Variants in CAMTA1 observed in about 807,000 individuals in gnomAD.
The protein encoded by CAMTA1 is calmodulin binding transcription activator 1, also known as calmodulin-binding transcription activator 1.
In CAMTA1, 27 loss-of-function variants were observed where a neutral mutation model predicts 170.9. That is an observed-to-expected ratio of 0.16 (90% CI 0.12 to 0.22). The LOEUF (loss-of-function observed/expected upper bound fraction) is 0.22, where lower values mean the gene tolerates loss of function less well. CAMTA1 is among the 10% of genes least tolerant of loss of function. The pLI is 1.00. For synonymous variants in CAMTA1, 833 were observed against 891.5 expected, an observed-to-expected ratio of 0.93 and a Z score of 1.17; for missense variants, 1,619 against 2,217.2, an observed-to-expected ratio of 0.73 and a Z score of 5.42.
chr1:7,654,826 C>T (rs940318195), intron 7 of CAMTA1, among the ~76,000 whole-genome samples: 8 of 141,280 alleles, frequency 5.7e-5, no homozygotes, highest in Admixed American at 3.7e-4. Flanking sequence ...CCACACACAC[C>T]CCTATACACA....
At chr1:7,671,531 G>A (rs4908472) in intron 10 of CAMTA1, among the ~76,000 whole-genome samples, 7,044 of 152,310 alleles carry the variant, frequency 0.046, 543 homozygotes, top group East Asian at 0.25. Flanking sequence ...GCCCTGGGCA[G>A]GGGGCAGAAG....
At chr1:7,765,449 AT>A (rs1329525363) in intron 22 of CAMTA1, among the ~76,000 whole-genome samples, 1 of 152,196 alleles carries the variant, frequency 6.6e-6, no homozygotes, top group Non-Finnish European at 1.5e-5. Context: ...GTCTATAACA[AT>A]GTTATTTAAA....
rs113479369 is a variant in CAMTA1, at chr1:7,470,199, TA to T, written c.510+2299del. 5.9e-5 allele frequency among the ~76,000 whole-genome samples: 9 copies of T among 152,212 alleles called. No individual in the cohort carries two copies. In the South Asian group the frequency reaches 1.9e-3, roughly 32 times the overall value. On this transcript the variant is annotated intron_variant, in intron 6 of 22. Coordinates refer to ENST00000303635, the MANE Select transcript of CAMTA1 (RefSeq NM_015215.4). ...CACAAAGAGGGAGCGCACACAGGTG[TA>T]GGGGGTTCCTGCTCCCCCAGGTCTG... is the stretch of plus-strand genomic sequence containing the variant.
chr1:7,547,418 C>T lies in CAMTA1; in HGVS notation c.510+79517C>T, dbSNP rs541785104. 3.9e-4 allele frequency among the ~76,000 whole-genome samples: 59 copies of T among 151,736 alleles called. No individual in the cohort carries two copies. The highest frequency in any genetic ancestry group is 5.8e-4 in the African/African-American group (24 of 41,296). On this transcript the variant is annotated intron_variant, in intron 6 of 22. Transcript: ENST00000303635. This position sits in a 1 kb window ranked among gnomAD's most constrained non-coding sequence, Gnocchi z 5.7. ...GTTGGCCTTCCACATTCATGAGTTT[C>T]GCATCCGTGGATTCAACCAACAACG...
At chr1:7,155,904 T>C (rs1646850459) in intron 4 of CAMTA1, among the ~76,000 whole-genome samples, 1 of 152,206 alleles carries the variant, frequency 6.6e-6, no homozygotes, top group Non-Finnish European at 1.5e-5. Flanking sequence ...ATTCATTCAG[T>C]TCCACATTTA....
intron 3 of CAMTA1, among the ~76,000 whole-genome samples, chr1:6,932,350 T>C (rs1193092435): frequency 6.6e-6 from 1 of 152,262 alleles, no homozygotes; most frequent in African/African-American, 2.4e-5. Context: ...TGTGTATCAG[T>C]AATTCATTTC....
At chr1:7,602,109 T>TTCCTTCCC (rs1390475090) in intron 6 of CAMTA1, among the ~76,000 whole-genome samples, 2 of 131,744 alleles carry the variant, frequency 1.5e-5, no homozygotes, top group African/African-American at 6.7e-5. Context: ...CCTTCCTTCC[T>TTCCTTCCC]TCCTTCCTTC....
At chr1:7,354,342 G>A (rs2084934219) in intron 5 of CAMTA1, among the ~76,000 whole-genome samples, 1 of 151,418 alleles carries the variant, frequency 6.6e-6, no homozygotes, top group African/African-American at 2.4e-5. Context: ...GTAGAGATGG[G>A]GTTTCACCGT....
At chr1:7,235,433 T>C (rs1663639498) in intron 4 of CAMTA1, among the ~76,000 whole-genome samples, 1 of 152,132 alleles carries the variant, frequency 6.6e-6, no homozygotes, top group Non-Finnish European at 1.5e-5. Flanking sequence ...GAAACCAGCC[T>C]GGCCAACATG....
intron 4 of CAMTA1, among the ~76,000 whole-genome samples, chr1:7,110,628 A>G (rs1361351349): frequency 6.6e-6 from 1 of 152,226 alleles, no homozygotes; most frequent in Non-Finnish European, 1.5e-5. Context: ...GCTGCTGCTC[A>G]CTTAGAGGCA....
chr1:7,237,272 G>A (rs982420401), intron 4 of CAMTA1, among the ~76,000 whole-genome samples: 1 of 152,122 alleles, frequency 6.6e-6, no homozygotes, highest in African/African-American at 2.4e-5. Context: ...AGCAATAGCC[G>A]GTCAACCTGA....
At chr1:6,864,274 C>G (rs1665807140) in intron 3 of CAMTA1, among the ~76,000 whole-genome samples, 1 of 152,174 alleles carries the variant, frequency 6.6e-6, no homozygotes, top group Non-Finnish European at 1.5e-5. Context: ...CTGTCCAAGT[C>G]ACTCTTTGCA....
intron 6 of CAMTA1, among the ~76,000 whole-genome samples, chr1:7,607,118 A>AGGAT (rs749176148): frequency 0.075 from 11,194 of 149,636 alleles, 969 homozygotes; most frequent in African/African-American, 0.22. Context: ...GGTAGATGGA[A>AGGAT]GGATGGATGG....
chr1:7,449,441 C>T (rs2092759905), intron 5 of CAMTA1, among the ~76,000 whole-genome samples: 1 of 152,090 alleles, frequency 6.6e-6, no homozygotes, highest in Non-Finnish European at 1.5e-5. Flanking sequence ...CCTCTGACCT[C>T]GTCTTTTCCA....
intron 3 of CAMTA1, among the ~76,000 whole-genome samples, chr1:7,056,685 G>C (rs1044024170): frequency 6.6e-6 from 1 of 152,110 alleles, no homozygotes; most frequent in South Asian, 2.1e-4. Flanking sequence ...ACCCCCGAGG[G>C]ACTCCCAGAG....
At chr1:7,112,173 C>G (rs1217877679) in intron 4 of CAMTA1, among the ~76,000 whole-genome samples, 1 of 152,166 alleles carries the variant, frequency 6.6e-6, no homozygotes, top group Non-Finnish European at 1.5e-5. Flanking sequence ...AGGACCGCTG[C>G]GTAGAGCTGC....
At chr1:7,468,946 G>A (rs1557765865) in intron 6 of CAMTA1, among the ~76,000 whole-genome samples, 1 of 152,220 alleles carries the variant, frequency 6.6e-6, no homozygotes. Context: ...GGCCACAGGA[G>A]AGCTGGTCTG....
At chr1:7,646,580 G>GT (rs2095807161) in intron 7 of CAMTA1, among the ~76,000 whole-genome samples, 1 of 151,444 alleles carries the variant, frequency 6.6e-6, no homozygotes, top group Non-Finnish European at 1.5e-5. Context: ...GCCCTGGTGA[G>GT]TTGGGTGGAG....
chr1:7,479,196 C>T (rs1164581019), intron 6 of CAMTA1, among the ~76,000 whole-genome samples: 3 of 152,210 alleles, frequency 2.0e-5, no homozygotes, highest in Non-Finnish European at 2.9e-5. Context: ...ATTTCAGTGG[C>T]TCTCGGGATG....
Sources: gnomAD v4.1 joint callset for allele counts (sites outside exome capture counted in the v4.1 genomes callset) on GRCh38, gnomAD v4.1.1 for gene constraint, Gnocchi (gnomAD v3.1) non-coding constraint, MANE v1.5 for transcripts, NCBI Gene and HGNC (gene_info 2026-07-23, HGNC 2026-07-21) for gene names.